Variants in MARCHF1 observed in about 807,000 individuals in gnomAD.
MARCHF1 encodes membrane associated ring-CH-type finger 1, also known as E3 ubiquitin-protein ligase MARCHF1.
A neutral mutation model predicts 54.2 loss-of-function variants in MARCHF1; 40 were observed. The ratio of observed to expected loss-of-function variants is 0.74; its 90% confidence interval spans 0.57 to 0.96. MARCHF1 has a LOEUF of 0.96. Ranked by LOEUF, MARCHF1 falls within the 40% of genes least tolerant of loss-of-function variation. MARCHF1 has a pLI of 0.00. For missense variants in MARCHF1, 586 were observed against 656.5 expected (o/e 0.89, Z 1.17); for synonymous variants, 236 against 236.3 (o/e 1.00, Z 0.01).
chr4:163,750,933 G>T (rs1746501779), intron 4 of MARCHF1, among the ~76,000 whole-genome samples: 1 of 130,818 alleles, frequency 7.6e-6, no homozygotes, highest in African/African-American at 2.7e-5. Flanking sequence ...TGTCCTAAAA[G>T]ATGTAAAGGA....
At chr4:163,791,582 T>C (rs1375787289) in intron 4 of MARCHF1, among the ~76,000 whole-genome samples, 3 of 152,150 alleles carry the variant, frequency 2.0e-5, no homozygotes, top group Non-Finnish European at 4.4e-5. Context: ...GACTGCAGAA[T>C]GAGAGTTGAG....
intron 3 of MARCHF1, among the ~76,000 whole-genome samples, chr4:163,871,415 T>C (rs923806639): frequency 6.6e-6 from 1 of 152,184 alleles, no homozygotes; most frequent in Admixed American, 6.5e-5. Context: ...CCTTGTGTTA[T>C]GCCTAATACC....
intron 4 of MARCHF1, among the ~76,000 whole-genome samples, chr4:163,766,386 C>A (rs1254805807): frequency 6.6e-6 from 1 of 150,718 alleles, no homozygotes; most frequent in Admixed American, 6.7e-5. Context: ...TCATATTTAC[C>A]TTTTACCTAC....
At chr4:163,887,846 A>G (rs1320533689) in intron 3 of MARCHF1, among the ~76,000 whole-genome samples, 1 of 152,156 alleles carries the variant, frequency 6.6e-6, no homozygotes, top group East Asian at 1.9e-4. Context: ...TTGGTCCCAC[A>G]TTCAAATAGG....
chr4:164,235,323 G>A (rs1174032045), intron 1 of MARCHF1, among the ~76,000 whole-genome samples: 1 of 151,998 alleles, frequency 6.6e-6, no homozygotes, highest in African/African-American at 2.4e-5. Flanking sequence ...AATATTAAAT[G>A]TTTTCTTCAC....
chr4:164,333,374 A>G (rs990722496), intron 1 of MARCHF1, among the ~76,000 whole-genome samples: 1 of 152,316 alleles, frequency 6.6e-6, no homozygotes, highest in East Asian at 1.9e-4. Flanking sequence ...CAAGTCTATC[A>G]GCACCATTTT....
At chr4:163,775,995 G>A (rs1379665904) in intron 4 of MARCHF1, among the ~76,000 whole-genome samples, 3 of 152,266 alleles carry the variant, frequency 2.0e-5, no homozygotes, top group African/African-American at 7.2e-5. Context: ...CAAGGGTGCA[G>A]CTTTAGGCTA....
In MARCHF1 at chr4:164,142,094, G is replaced by T. The variant is rs929561158; in HGVS notation, c.-322-30432C>A. The stretch of plus-strand genomic sequence containing the variant: ...CTGGAAAATCGTGTCACTCCCACCC[G>T]AATACTGTGCTTTTCCAACGGGCTT... On this transcript the variant is annotated intron_variant, in intron 1 of 9. Transcript: ENST00000514618. Among the ~76,000 whole-genome samples, 8 of 152,308 alleles carry T rather than the reference G, an allele frequency of 5.3e-5. No homozygotes were observed. The East Asian group carries it at 1.5e-3, about 29-fold the overall frequency.
intron 3 of MARCHF1, among the ~76,000 whole-genome samples, chr4:163,893,963 A>G (rs560557520): frequency 1.3e-5 from 2 of 152,306 alleles, no homozygotes; most frequent in East Asian, 1.9e-4. Context: ...CACTGGTGAA[A>G]TAGCATAGGA....
intron 7 of MARCHF1, among the ~76,000 whole-genome samples, chr4:163,590,211 G>C (rs768478380): frequency 6.8e-6 from 1 of 146,068 alleles, no homozygotes; most frequent in South Asian, 2.2e-4. Flanking sequence ...GGCACTGGTA[G>C]AATCATATTT....
intron 4 of MARCHF1, among the ~76,000 whole-genome samples, chr4:163,848,738 G>T (rs991955522): frequency 3.3e-5 from 5 of 152,074 alleles, no homozygotes; most frequent in Non-Finnish European, 5.9e-5. Flanking sequence ...CAATTGTGAG[G>T]ATATGTGCTT....
intron 4 of MARCHF1, among the ~76,000 whole-genome samples, chr4:163,846,304 T>C (rs1036653785): frequency 6.6e-6 from 1 of 152,188 alleles, no homozygotes; most frequent in African/African-American, 2.4e-5. Flanking sequence ...GTGAGTCTGT[T>C]AGAAATAATG....
chr4:163,556,726 A>G (rs909240157), intron 8 of MARCHF1, among the ~76,000 whole-genome samples: 11 of 152,220 alleles, frequency 7.2e-5, no homozygotes, highest in African/African-American at 2.6e-4. Context: ...ATATAATAAT[A>G]CTTTAAAAAA....
At chr4:164,141,541 C>T (rs10028886) in intron 1 of MARCHF1, among the ~76,000 whole-genome samples, 28,250 of 152,130 alleles carry the variant, frequency 0.19, 4,121 homozygotes, top group African/African-American at 0.39. Flanking sequence ...ATAACCTGCA[C>T]CTTACAACAA....
intron 3 of MARCHF1, among the ~76,000 whole-genome samples, chr4:163,981,729 G>T (rs1752767402): frequency 1.3e-5 from 2 of 152,130 alleles, no homozygotes; most frequent in Non-Finnish European, 2.9e-5. Flanking sequence ...GTTAAATGTT[G>T]GCTAATCAGC....
intron 8 of MARCHF1, among the ~76,000 whole-genome samples, chr4:163,562,752 T>C (rs1739513520): frequency 6.6e-6 from 1 of 152,232 alleles, no homozygotes; most frequent in Non-Finnish European, 1.5e-5. Context: ...AACCCATGTG[T>C]CCTGATGGGA....
chr4:163,838,167 G>A (rs954277150), intron 4 of MARCHF1, among the ~76,000 whole-genome samples: 7 of 152,096 alleles, frequency 4.6e-5, no homozygotes, highest in Non-Finnish European at 7.4e-5. Context: ...ATCTGTGAAA[G>A]ACTGGTTCCA....
chr4:163,676,185 C>CAAAAA (rs869219643), intron 5 of MARCHF1, among the ~76,000 whole-genome samples: 2 of 89,264 alleles, frequency 2.2e-5, no homozygotes, highest in African/African-American at 4.6e-5. Context: ...ACTAAAAATA[C>CAAAAA]AAAAAAAAAA....
intron 4 of MARCHF1, among the ~76,000 whole-genome samples, chr4:163,748,519 C>T (rs1443922937): frequency 1.3e-5 from 2 of 152,014 alleles, no homozygotes; most frequent in Non-Finnish European, 2.9e-5. Context: ...CTCAAGTGAT[C>T]AGGCTGCATG....
Sources: allele counts gnomAD v4.1 joint callset (sites outside exome capture counted in the v4.1 genomes callset), GRCh38; gene constraint gnomAD v4.1.1; transcripts MANE v1.5; gene names NCBI Gene and HGNC (gene_info 2026-07-23, HGNC 2026-07-21).